The following PARD6G variants were observed in gnomAD, a reference collection of about 807,000 sequenced individuals.
PARD6G encodes the protein par-6 family cell polarity regulator gamma.
PARD6G carries 7 observed loss-of-function variants against 10.7 expected under a neutral mutation model. The ratio of observed to expected loss-of-function variants is 0.66; its 90% CI spans 0.37 to 1.23. The LOEUF is 1.23. Among genes scored for constraint, PARD6G ranks in the 50% most tolerant of loss-of-function variants. The pLI, the probability that PARD6G is intolerant of heterozygous loss-of-function variation, is 0.02. For synonymous variants in PARD6G, 287 were observed against 269.4 expected (o/e 1.07, Z -0.64); for missense variants, 548 against 571.8 (o/e 0.96, Z 0.42).
At position 80,160,197 on chromosome 18, in the gene PARD6G, C is replaced by A. The variant is rs748057470; in HGVS notation, c.705G>T (p.Met235Ile). ...AGKTLDQVTDMMIANSHNLIV... is the reference protein window; with the variant it reads ...AGKTLDQVTDIMIANSHNLIV... ...TGAGGTTGTGGCTGTTGGCGATCAT[C>A]ATGTCCGTGACCTGGTCCAGCGTCT... The change falls in exon 3 of 3, where the codon ATG becomes ATT. Residue 235 changes from methionine to isoleucine, a missense_variant. By Grantham distance (10) the Met-to-Ile change is conservative. Coordinates refer to ENST00000353265, the MANE Select transcript of PARD6G (RefSeq NM_032510.4). 7 of 1,613,330 alleles carry A rather than the reference C, an allele frequency of 4.3e-6. No individual in the cohort carries two copies. In the Admixed American group the frequency reaches 1.0e-4, roughly 23 times the overall value.
intron 1 of PARD6G, among the ~76,000 whole-genome samples, chr18:80,229,206 G>C (rs1000743092): frequency 1.3e-5 from 2 of 152,290 alleles, no homozygotes; most frequent in East Asian, 3.9e-4. Context: ...CCAAAGTGCT[G>C]GGATTACAGG....
chr18:80,241,669 G>C (rs923348511), intron 1 of PARD6G, among the ~76,000 whole-genome samples: 14 of 152,176 alleles, frequency 9.2e-5, no homozygotes, highest in Admixed American at 8.5e-4. Context: ...GGGCCGCAGG[G>C]TGTGTGTTGG....
chr18:80,195,548 CATATAT>C (rs201373415), intron 2 of PARD6G, among the ~76,000 whole-genome samples: 5,322 of 82,230 alleles, frequency 0.065, 489 homozygotes, highest in Non-Finnish European at 0.088. Context: ...TTCAAAGATA[CATATAT>C]ATATATATAT....
intron 2 of PARD6G, among the ~76,000 whole-genome samples, chr18:80,185,666 G>A (rs548543241): frequency 4.7e-5 from 7 of 148,036 alleles, no homozygotes; most frequent in Non-Finnish European, 1.0e-4. Context: ...ATATATGCTT[G>A]CACACCCTCA....
Position 80,159,945 on chromosome 18 carries a change from G to C in PARD6G, c.957C>G (p.Pro319=), listed in dbSNP as rs751386196. The C allele has an allele frequency of 3.3e-6, 5 of 1,496,508 alleles. No individual in the cohort carries two copies. In the East Asian group the frequency reaches 1.0e-4, roughly 31 times the overall value. 92.7% of individuals were successfully genotyped at this position (1,496,508 alleles called of 1,614,324 possible). A position where few individuals can be genotyped will look rare whatever the true frequency, so the allele number is the denominator to read the frequency against. ...PARPPQTPGA[P]AGSLSRVNGA... ...CATTGACCCGGGAGAGGCTGCCTGCGGGCGCGCCCGGGGTCTGGGGGGGAC... is the reference window on the plus strand; with the variant it reads ...CATTGACCCGGGAGAGGCTGCCTGCCGGCGCGCCCGGGGTCTGGGGGGGAC... Residue 319 remains proline, a synonymous_variant, in exon 3 of 3, where the codon CCC becomes CCG. Transcript: ENST00000353265.
Position 80,201,278 on chromosome 18 carries a change from G to A in PARD6G, c.295+1432C>T, listed in dbSNP as rs1021655555. ...GAACAGATACAGACACCCAGGCAATGTGAAGGGGTAGAGAGTTCCAGGGCA... is the reference window on the plus strand; with the variant it reads ...GAACAGATACAGACACCCAGGCAATATGAAGGGGTAGAGAGTTCCAGGGCA... On this transcript the variant is annotated intron_variant, in intron 2 of 2. Coordinates refer to ENST00000353265, the MANE Select transcript of PARD6G (RefSeq NM_032510.4). This position sits in a 1 kb window ranked among gnomAD's most constrained non-coding sequence, Gnocchi z 5.9. Among the ~76,000 whole-genome samples the A allele has an allele frequency of 4.6e-5, 7 of 152,180 alleles. No individual in the cohort carries two copies. Among genetic ancestry groups the A allele is most frequent in the African/African-American group, 1.7e-4 (7 of 41,446 alleles).
chr18:80,244,943 C>T (rs1213485632), intron 1 of PARD6G, among the ~76,000 whole-genome samples: 1 of 152,132 alleles, frequency 6.6e-6, no homozygotes, highest in Non-Finnish European at 1.5e-5. Context: ...AAGTTCAGCC[C>T]CATCACGGTG....
chr18:80,167,264 T>C (rs753289151), intron 2 of PARD6G, among the ~76,000 whole-genome samples: 1 of 151,406 alleles, frequency 6.6e-6, no homozygotes, highest in Non-Finnish European at 1.5e-5. Context: ...GTGTTGCGTG[T>C]GGACGTGTTG....
intron 1 of PARD6G, among the ~76,000 whole-genome samples, chr18:80,239,379 C>T (rs1208598290): frequency 1.3e-5 from 2 of 152,148 alleles, no homozygotes; most frequent in African/African-American, 4.8e-5. Context: ...GTACCCTGGG[C>T]TACACTGGAG....
At position 80,182,042 on chromosome 18, in the gene PARD6G, T is replaced by A. The variant is rs1303432111; in HGVS notation, c.295+20668A>T. On this transcript the variant is annotated intron_variant, in intron 2 of 2. Coordinates refer to ENST00000353265, the MANE Select transcript of PARD6G (RefSeq NM_032510.4). The surrounding 1 kb of genome is among the most constrained non-coding windows in gnomAD (Gnocchi z 4.5). The stretch of plus-strand genomic sequence containing the variant: ...CACCTGCTTTTGTTACGCAAGAAAC[T>A]GAGGCAGAAAGCAGGGAAGCAACAC... Among the ~76,000 whole-genome samples, 1 of 152,202 alleles carries A rather than the reference T, an allele frequency of 6.6e-6. No individual in the cohort carries two copies. Among genetic ancestry groups the A allele is most frequent in the Non-Finnish European group, 1.5e-5 (1 of 68,034 alleles).
At position 80,182,833 on chromosome 18, in the gene PARD6G, A is replaced by C. The variant is rs1268723266; in HGVS notation, c.295+19877T>G. On this transcript the variant is annotated intron_variant, in intron 2 of 2. Coordinates refer to ENST00000353265, the MANE Select transcript of PARD6G (RefSeq NM_032510.4). This position sits in a 1 kb window ranked among gnomAD's most constrained non-coding sequence, Gnocchi z 4.5. ...ACAAGTTACTATTTTGGGCAGGACA[A>C]ATGTTCCCAGAGAACTTTTAAATCT... is the stretch of plus-strand genomic sequence containing the variant. The C allele has an allele frequency of 2.5e-6, 1 of 406,022 alleles. No individual in the cohort carries two copies. Among genetic ancestry groups the C allele is most frequent in the African/African-American group, 2.0e-5 (1 of 49,310 alleles). 25.2% of individuals were successfully genotyped at this position (406,022 alleles called of 1,614,324 possible).
intron 2 of PARD6G, among the ~76,000 whole-genome samples, chr18:80,166,522 A>T (rs2052737355): frequency 6.7e-6 from 1 of 148,620 alleles, no homozygotes; most frequent in South Asian, 2.2e-4. Flanking sequence ...GCGATCAGTT[A>T]CAGCCTCCTC....
At chr18:80,224,802 G>C (rs948216566) in intron 1 of PARD6G, among the ~76,000 whole-genome samples, 3 of 151,914 alleles carry the variant, frequency 2.0e-5, no homozygotes, top group East Asian at 1.9e-4. Flanking sequence ...AGCCGAGATC[G>C]CGCCACTGCT....
chr18:80,177,379 CAG>C (rs2052819394), intron 2 of PARD6G, among the ~76,000 whole-genome samples: 1 of 145,902 alleles, frequency 6.9e-6, no homozygotes, highest in East Asian at 2.1e-4. Flanking sequence ...CACACACACA[CAG>C]GATAAATAGC....
chr18:80,220,149 T>C (rs1424864412), intron 1 of PARD6G, among the ~76,000 whole-genome samples: 2 of 152,172 alleles, frequency 1.3e-5, no homozygotes, highest in African/African-American at 4.8e-5. Context: ...GAAGCAAACA[T>C]GTCCTTCCTC....
In PARD6G at chr18:80,160,275, C is replaced by T. The variant is rs147968991; in HGVS notation, c.627G>A (p.Leu209=). ...VPGGLAESTG[L]LAVNDEVLEV... Reference sequence around the variant, plus strand: ...CCAGGACCTCGTCATTCACAGCCAGCAGCCCGGTGCTCTCCGCCAGGCCCC... The same window carrying T: ...CCAGGACCTCGTCATTCACAGCCAGTAGCCCGGTGCTCTCCGCCAGGCCCC... Residue 209 remains leucine, a synonymous_variant, in exon 3 of 3, where the codon CTG becomes CTA. Coordinates refer to ENST00000353265, the MANE Select transcript of PARD6G (RefSeq NM_032510.4). 1.6e-5 allele frequency: 26 copies of T among 1,612,584 alleles called. No individual in the cohort carries two copies. In the East Asian group the frequency reaches 2.2e-4, roughly 14 times the overall value.
At chr18:80,190,049 G>A (rs986591566) in intron 2 of PARD6G, among the ~76,000 whole-genome samples, 1 of 152,164 alleles carries the variant, frequency 6.6e-6, no homozygotes, top group Non-Finnish European at 1.5e-5. Flanking sequence ...CCAAGGATAT[G>A]ACTTTCAAGA....
At chr18:80,204,328 C>G (rs1967035963) in intron 1 of PARD6G, among the ~76,000 whole-genome samples, 2 of 152,010 alleles carry the variant, frequency 1.3e-5, no homozygotes, top group Non-Finnish European at 1.5e-5. Context: ...ACCTGGAGGC[C>G]CCCCAGAGTT....
chr18:80,247,464 G>A lies in PARD6G; in HGVS notation c.-116C>T, dbSNP rs531346580. 829 of 607,108 alleles carry A rather than the reference G, an allele frequency of 1.4e-3. 11 individuals carry two copies. The African/African-American group carries it at 0.016, about 11-fold the overall frequency. The allele number at this position is 607,108 out of a possible 1,614,324, so 37.6% of individuals were successfully genotyped here. A position where few individuals can be genotyped will look rare whatever the true frequency, so the allele number is the denominator to read the frequency against. ...GGCCCCGGCCCGCGCTCGCTTGGCC[G>A]GCGGGCTGCTCCCGGTGCTGCGGGC... On this transcript the variant is annotated 5_prime_UTR_variant, in exon 1 of 3. Transcript: ENST00000353265. The surrounding 1 kb of genome is among the most constrained non-coding windows in gnomAD (Gnocchi z 4.2).
Sources: gnomAD v4.1 joint callset for allele counts (sites outside exome capture counted in the v4.1 genomes callset) on GRCh38, gnomAD v4.1.1 for gene constraint, Gnocchi (gnomAD v3.1) non-coding constraint, MANE v1.5 for transcripts, NCBI Gene and HGNC (gene_info 2026-07-23, HGNC 2026-07-21) for gene names.